SLC2A5: variants seen among roughly 807,000 people sequenced by gnomAD.
The protein encoded by SLC2A5 is solute carrier family 2 member 5.
In SLC2A5, 56 loss-of-function variants were observed where a neutral mutation model predicts 50.3. The ratio of observed to expected loss-of-function variants is 1.11; its 90% CI spans 0.90 to 1.39. SLC2A5 has a LOEUF of 1.39. Among genes scored for constraint, SLC2A5 ranks in the 40% most tolerant of loss-of-function variants. The probability of loss-of-function intolerance (pLI) is 0.00; values close to 1 mark genes in which losing one functional copy is unlikely to be tolerated. For missense variants in SLC2A5, 566 were observed against 650.1 expected (o/e 0.87, Z 1.41); for synonymous variants, 269 against 281.9 (o/e 0.95, Z 0.46).
chr1:9,075,310 T>C (rs12141742), intron 2 of SLC2A5, among the ~76,000 whole-genome samples: 35,573 of 152,044 alleles, frequency 0.23, 4,679 homozygotes, highest in Non-Finnish European at 0.28. Flanking sequence ...AACATCCCGG[T>C]TGACAGAAGA....
intron 4 of SLC2A5, among the ~76,000 whole-genome samples, chr1:9,042,602 T>C (rs1471769144): frequency 4.0e-5 from 6 of 150,636 alleles, no homozygotes; most frequent in African/African-American, 1.5e-4. Context: ...TCTGTGTGTG[T>C]GTGTGTGTGT....
chr1:9,075,306 C>T (rs939955408), intron 2 of SLC2A5, among the ~76,000 whole-genome samples: 1 of 152,040 alleles, frequency 6.6e-6, no homozygotes, highest in Non-Finnish European at 1.5e-5. Flanking sequence ...ATCAAACATC[C>T]CGGTTGACAG....
intron 1 of SLC2A5, among the ~76,000 whole-genome samples, chr1:9,062,174 G>A (rs777336817): frequency 6.6e-6 from 1 of 152,128 alleles, no homozygotes; most frequent in Non-Finnish European, 1.5e-5. Context: ...CAGTACCCTC[G>A]GGTAAGCAAG....
chr1:9,078,195 AT>A (rs1185691260), intron 2 of SLC2A5, among the ~76,000 whole-genome samples: 2 of 152,106 alleles, frequency 1.3e-5, no homozygotes, highest in Non-Finnish European at 2.9e-5. Context: ...TAGCATGCTA[AT>A]GTATTATAAT....
At chr1:9,060,369 TACAC>T (rs1280984205) in intron 1 of SLC2A5, among the ~76,000 whole-genome samples, 4 of 96,356 alleles carry the variant, frequency 4.2e-5, no homozygotes, top group South Asian at 7.4e-4. Flanking sequence ...ACACACTACA[TACAC>T]ACACGCACAC....
At chr1:9,061,925 A>C (rs1641955066) in intron 1 of SLC2A5, among the ~76,000 whole-genome samples, 1 of 152,246 alleles carries the variant, frequency 6.6e-6, no homozygotes, top group African/African-American at 2.4e-5. Context: ...AGGAGAGATC[A>C]GAGCGACTAA....
chr1:9,079,729 T>C (rs1362831568), intron 2 of SLC2A5, among the ~76,000 whole-genome samples: 1 of 152,188 alleles, frequency 6.6e-6, no homozygotes, highest in Non-Finnish European at 1.5e-5. Context: ...TCAGGTGATC[T>C]GCCCACCTTG....
chr1:9,067,955 C>T (rs1005441157), intron 1 of SLC2A5, among the ~76,000 whole-genome samples: 29 of 151,844 alleles, frequency 1.9e-4, no homozygotes, highest in Non-Finnish European at 3.7e-4. Context: ...TTTGGGAGGC[C>T]GAGGCGGGCG....
intron 2 of SLC2A5, among the ~76,000 whole-genome samples, chr1:9,081,468 T>TAAA (rs34557003): frequency 4.9e-5 from 5 of 102,454 alleles, no homozygotes; most frequent in East Asian, 2.9e-4. Context: ...CTCCTTCTCT[T>TAAA]AAAAAAAAAA....
chr1:9,039,473 C>T, intron 8 of SLC2A5, 79 bp downstream of exon 8: 2 of 1,098,698 alleles, frequency 1.8e-6, no homozygotes, highest in Non-Finnish European at 2.6e-6. Flanking sequence ...ACGGGCTGCC[C>T]TTTTGGCGGC....
At chr1:9,049,963 G>A (rs1437928485) in intron 3 of SLC2A5, among the ~76,000 whole-genome samples, 1 of 151,514 alleles carries the variant, frequency 6.6e-6, no homozygotes, top group South Asian at 2.1e-4. Context: ...ATAGTGAGAC[G>A]CCATCTCTAG....
intron 4 of SLC2A5, among the ~76,000 whole-genome samples, chr1:9,042,866 G>A (rs545386480): frequency 7.2e-5 from 11 of 152,056 alleles, no homozygotes; most frequent in Non-Finnish European, 1.5e-4. Context: ...CACATATTAC[G>A]GAATATCTGC....
chr1:9,092,427 T>C (rs116472717), upstream of SLC2A5, among the ~76,000 whole-genome samples: 2,158 of 152,226 alleles, frequency 0.014, 73 homozygotes, highest in African/African-American at 0.05. Flanking sequence ...CCATATACAC[T>C]TAACCCCAGA....
At chr1:9,054,886 T>TG (rs1641711007) in intron 3 of SLC2A5, among the ~76,000 whole-genome samples, 2 of 152,188 alleles carry the variant, frequency 1.3e-5, no homozygotes, top group Non-Finnish European at 2.9e-5. Flanking sequence ...ATCATGCCAC[T>TG]GCACTCCCAC....
intron 2 of SLC2A5, among the ~76,000 whole-genome samples, chr1:9,079,083 G>A (rs1199708042): frequency 6.6e-6 from 1 of 151,984 alleles, no homozygotes; most frequent in Admixed American, 6.6e-5. Context: ...CCCCACCTTG[G>A]GCATGCCACC....
intron 1 of SLC2A5, among the ~76,000 whole-genome samples, chr1:9,063,915 T>C (rs1266104870): frequency 7.5e-6 from 1 of 133,070 alleles, no homozygotes; most frequent in Non-Finnish European, 1.6e-5. Context: ...CAGGATGGTC[T>C]CGATCTCCTG....
chr1:9,055,857 A>G (rs530183511), intron 3 of SLC2A5, among the ~76,000 whole-genome samples: 2 of 152,268 alleles, frequency 1.3e-5, no homozygotes, highest in South Asian at 4.1e-4. Flanking sequence ...TGGAGGTTGC[A>G]GTGAGCCAAT....
intron 3 of SLC2A5, among the ~76,000 whole-genome samples, chr1:9,049,867 G>A (rs142819109): frequency 1.3e-5 from 2 of 152,198 alleles, no homozygotes; most frequent in East Asian, 1.9e-4. Flanking sequence ...GCTGGGTGCC[G>A]TGCTCATGCC....
intron 1 of SLC2A5, among the ~76,000 whole-genome samples, chr1:9,061,085 A>G (rs12086124): frequency 0.37 from 55,374 of 151,122 alleles, 10,742 homozygotes; most frequent in East Asian, 0.66. Context: ...AGGAGTTCTC[A>G]GCCAGCCCGG....
Sources: allele counts gnomAD v4.1 joint callset (sites outside exome capture counted in the v4.1 genomes callset), GRCh38; gene constraint gnomAD v4.1.1; transcripts MANE v1.5; gene names NCBI Gene and HGNC (gene_info 2026-07-23, HGNC 2026-07-21).